The following SLC24A4 variants were observed in gnomAD, a reference collection of about 807,000 sequenced individuals.
SLC24A4 encodes sodium/potassium/calcium exchanger 4.
SLC24A4 carries 53 observed loss-of-function variants against 79.0 expected under a neutral mutation model. The observed-to-expected ratio is 0.67, with a 90% CI of 0.54 to 0.84. The LOEUF is 0.84. Among genes scored for constraint, SLC24A4 ranks in the 40% least tolerant of loss-of-function variants. The probability of loss-of-function intolerance (pLI) is 0.00; values close to 1 mark genes in which losing one functional copy is unlikely to be tolerated. For missense variants in SLC24A4, 731 were observed against 822.0 expected, an observed-to-expected ratio of 0.89 and a Z score of 1.35; for synonymous variants, 323 against 323.8, an observed-to-expected ratio of 1.00 and a Z score of 0.03.
At chr14:92,425,843 A>G (rs1310487470) in intron 2 of SLC24A4, among the ~76,000 whole-genome samples, 1 of 152,148 alleles carries the variant, frequency 6.6e-6, no homozygotes, top group African/African-American at 2.4e-5. Context: ...TTAGCTGGGT[A>G]TGATAGTGCA....
At chr14:92,328,395 TC>T (rs2141591048) in intron 2 of SLC24A4, among the ~76,000 whole-genome samples, 1 of 152,216 alleles carries the variant, frequency 6.6e-6, no homozygotes, top group South Asian at 2.1e-4. Flanking sequence ...CTCCAGCGGC[TC>T]CCCAGTGAGC....
chr14:92,495,323 G>C lies in SLC24A4; in HGVS notation c.*1695G>C, dbSNP rs1453201866. ...GACAGGACCTCACCCCCACCACCAG[G>C]CTTCTATTTGGGATTCACATCAGTA... On this transcript the variant is annotated 3_prime_UTR_variant, in exon 17 of 17. Coordinates refer to ENST00000532405, the MANE Select transcript of SLC24A4 (RefSeq NM_153646.4). 2 of 152,078 alleles carry C rather than the reference G, an allele frequency of 1.3e-5. No homozygotes were observed. The highest frequency in any genetic ancestry group is 2.9e-5 in the Non-Finnish European group (2 of 68,028). The allele number at this position is 152,078 out of a possible 1,614,324, so 9.4% of individuals were successfully genotyped here.
rs1431595216 is a variant in SLC24A4, at chr14:92,496,051, T to C, written c.*2423T>C. On this transcript the variant is annotated 3_prime_UTR_variant, in exon 17 of 17. Coordinates refer to ENST00000532405, the MANE Select transcript of SLC24A4 (RefSeq NM_153646.4). ...CCTTGTGTAGCTTTCAGAGCACACG[T>C]ATCCTAATTACCCTCCTCTTCCTCA... 1 of 152,570 alleles carries C rather than the reference T, an allele frequency of 6.6e-6. No homozygotes were observed. The highest frequency in any genetic ancestry group is 2.4e-5 in the African/African-American group (1 of 41,476). The allele number at this position is 152,570 out of a possible 1,614,324, so 9.5% of individuals were successfully genotyped here.
At chr14:92,486,494 C>T (rs4904941) in intron 13 of SLC24A4, among the ~76,000 whole-genome samples, 172 bp from the exon 14 acceptor site, 3 of 152,044 alleles carry the variant, frequency 2.0e-5, no homozygotes, top group South Asian at 2.1e-4. Flanking sequence ...TTCTTAGCCT[C>T]GTAGTTCAGT....
intron 8 of SLC24A4, 95 bp from the exon 9 acceptor site, chr14:92,447,276 A>G (rs1892849806): frequency 9.0e-6 from 10 of 1,108,546 alleles, no homozygotes; most frequent in Non-Finnish European, 1.2e-5. Flanking sequence ...GGAGGTAAAG[A>G]CATCCCGCCC....
intron 2 of SLC24A4, among the ~76,000 whole-genome samples, chr14:92,373,828 G>A (rs1330999940): frequency 1.3e-5 from 2 of 152,270 alleles, no homozygotes; most frequent in East Asian, 3.9e-4. Context: ...TATAAAATTA[G>A]AGGTAATAAT....
Position 92,398,963 on chromosome 14 carries a change from T to C in SLC24A4, c.242-34949T>C, listed in dbSNP as rs1395330966. On this transcript the variant is annotated intron_variant, in intron 2 of 16. Coordinates refer to ENST00000532405, the MANE Select transcript of SLC24A4 (RefSeq NM_153646.4). This position sits in a 1 kb window ranked among gnomAD's most constrained non-coding sequence, Gnocchi z 4.1. ...ACACACTCTGTAACTCTCCAGTATT[T>C]GAGGATGATCAAGTATCCTACTTCA... Among the ~76,000 whole-genome samples the C allele has an allele frequency of 2.6e-5, 4 of 152,208 alleles. No individual in the cohort carries two copies. The highest frequency in any genetic ancestry group is 5.9e-5 in the Non-Finnish European group (4 of 68,040).
chr14:92,417,783 G>A (rs191453881), intron 2 of SLC24A4, among the ~76,000 whole-genome samples: 251 of 152,344 alleles, frequency 1.6e-3, no homozygotes, highest in African/African-American at 5.8e-3. Context: ...GCGGTATTCA[G>A]TACAGTTAAA....
chr14:92,399,666 G>T (rs956916544), intron 2 of SLC24A4, among the ~76,000 whole-genome samples: 1 of 152,164 alleles, frequency 6.6e-6, no homozygotes, highest in Admixed American at 6.5e-5. Flanking sequence ...ACTTCAGCTG[G>T]TTTTGCGCTA....
intron 2 of SLC24A4, among the ~76,000 whole-genome samples, chr14:92,425,578 A>C (rs1891520190): frequency 6.6e-6 from 1 of 152,184 alleles, no homozygotes; most frequent in Non-Finnish European, 1.5e-5. Flanking sequence ...TGGACCAGCC[A>C]TTGTCTGTTC....
At chr14:92,470,684 G>A (rs1424122623) in intron 12 of SLC24A4, among the ~76,000 whole-genome samples, 3 of 152,188 alleles carry the variant, frequency 2.0e-5, no homozygotes, top group Non-Finnish European at 2.9e-5. Flanking sequence ...TGCACCCAAC[G>A]AGATGGAAGT....
chr14:92,442,798 C>T lies in SLC24A4; in HGVS notation c.564C>T (p.Cys188=), dbSNP rs78214854. 2.3e-3 allele frequency: 3,762 copies of T among 1,613,914 alleles called. 78 individuals carry two copies. In the African/African-American group the frequency reaches 0.044, roughly 19 times the overall value. ...VFNILCIIGV[C]GLFAGQVVRL... ...ACATCCTGTGCATAATTGGAGTGTG[C>T]GGACTGTTTGCTGGCCAGGTCAGTG... Residue 188 remains cysteine, a synonymous_variant, in exon 6 of 17, where the codon TGC becomes TGT. Transcript: ENST00000532405.
At chr14:92,438,019 A>G (rs1040516170) in intron 3 of SLC24A4, among the ~76,000 whole-genome samples, 1 of 152,164 alleles carries the variant, frequency 6.6e-6, no homozygotes, top group East Asian at 1.9e-4. Flanking sequence ...TTTTCCCCAC[A>G]TGCCAAGAAT....
At chr14:92,345,980 G>A (rs1181834116) in intron 2 of SLC24A4, among the ~76,000 whole-genome samples, 1 of 152,136 alleles carries the variant, frequency 6.6e-6, no homozygotes, top group Non-Finnish European at 1.5e-5. Context: ...GGATGGGCTT[G>A]GGGACCTAAA....
At chr14:92,484,817 T>C (rs1245370845) in intron 13 of SLC24A4, 4 of 985,344 alleles carry the variant, frequency 4.1e-6, no homozygotes, top group Non-Finnish European at 4.8e-6. Context: ...TAGCCGCTTA[T>C]TGAAACCAAC....
Position 92,493,554 on chromosome 14 carries a change from T to C in SLC24A4, c.1795T>C (p.Leu599=), listed in dbSNP as rs755740152. ...CGTGCTGGTTCTCTACGCCATCTTC[T>C]TGTGCTTCTCCATAATGATAGAGTT... ...VYVLVLYAIF[L]CFSIMIEFNV... is the part of the protein sequence containing the mutation. Residue 599 remains leucine, a synonymous_variant, in exon 17 of 17, where the codon TTG becomes CTG. Transcript: ENST00000532405. The C allele has an allele frequency of 3.7e-6, 6 of 1,614,240 alleles. No homozygotes were observed. Among genetic ancestry groups the C allele is most frequent in the Non-Finnish European group, 5.1e-6 (6 of 1,180,044 alleles).
In SLC24A4 at chr14:92,486,800, C is replaced by T. The variant is rs773618696; in HGVS notation, c.1537+20C>T. On this transcript the variant is annotated intron_variant, in intron 14 of 16. Transcript: ENST00000532405. ...GACAAGGTATGGATTATGCCCCAGC[C>T]CTCATAGTCATGCAGTGCAGGCCAC... 6.3e-7 allele frequency: 1 copy of T among 1,576,954 alleles called. No homozygotes were observed. Among genetic ancestry groups the T allele is most frequent in the Non-Finnish European group, 8.7e-7 (1 of 1,146,866 alleles).
chr14:92,486,542 G>T, intron 13 of SLC24A4, 124 bp from the exon 14 acceptor site: 1 of 644,580 alleles, frequency 1.6e-6, no homozygotes, highest in Non-Finnish European at 2.7e-6. Context: ...TGTTTTAAAA[G>T]AGGCAGCCCC....
chr14:92,431,275 G>A (rs1181217538), intron 2 of SLC24A4, among the ~76,000 whole-genome samples: 2 of 152,156 alleles, frequency 1.3e-5, no homozygotes, highest in African/African-American at 2.4e-5. Context: ...CACTTCTTAC[G>A]GCCCAGGTTC....
Sources: gnomAD v4.1 joint callset for allele counts (sites outside exome capture counted in the v4.1 genomes callset) on GRCh38, gnomAD v4.1.1 for gene constraint, Gnocchi (gnomAD v3.1) non-coding constraint, MANE v1.5 for transcripts, NCBI Gene and HGNC (gene_info 2026-07-23, HGNC 2026-07-21) for gene names.